The following ZNF385D variants were observed in gnomAD, a reference collection of about 807,000 sequenced individuals.
The protein encoded by ZNF385D is zinc finger protein 385D, also known as zinc finger protein 659.
Under a neutral mutation model 35.8 loss-of-function variants are expected in ZNF385D, and 15 were observed. The observed-to-expected ratio is 0.42, with a 90% CI of 0.28 to 0.64. The LOEUF (loss-of-function observed/expected upper bound fraction) is 0.64. Among genes scored for constraint, ZNF385D ranks in the 30% least tolerant of loss-of-function variants. The probability of loss-of-function intolerance (pLI) is 0.23; values close to 1 mark genes in which losing one functional copy is unlikely to be tolerated. For synonymous variants in ZNF385D, 212 were observed against 186.8 expected, an observed-to-expected ratio of 1.13 and a Z score of -1.10; for missense variants, 474 against 494.6, an observed-to-expected ratio of 0.96 and a Z score of 0.39.
chr3:22,364,856 A>G (rs935057259), intron 2 of ZNF385D, among the ~76,000 whole-genome samples: 1 of 152,090 alleles, frequency 6.6e-6, no homozygotes, highest in African/African-American at 2.4e-5. Context: ...CTAAGTGTCT[A>G]TGGACAGTTG....
intron 3 of ZNF385D, among the ~76,000 whole-genome samples, chr3:21,531,496 G>A (rs1379583738): frequency 6.6e-6 from 1 of 152,154 alleles, no homozygotes. Flanking sequence ...TGCCAAAAAT[G>A]AGAAACAACC....
In ZNF385D at chr3:22,329,300, C is replaced by T. The variant is rs115818797; in HGVS notation, c.106+43150G>A. The stretch of plus-strand genomic sequence containing the variant: ...TCTTGAGTAACAATTTGGTTTGGTA[C>T]AATATTTTTAGGTATATATTTTTCC... On this transcript the variant is annotated intron_variant, in intron 2 of 5. Transcript: ENST00000494108. Among the ~76,000 whole-genome samples, 634 of 152,012 alleles carry T rather than the reference C, an allele frequency of 4.2e-3. 5 individuals carry two copies. Among genetic ancestry groups the T allele is most frequent in the African/African-American group, 0.015 (614 of 41,458 alleles).
chr3:21,951,115 G>C (rs1023116216), intron 3 of ZNF385D, among the ~76,000 whole-genome samples: 2 of 151,592 alleles, frequency 1.3e-5, no homozygotes, highest in East Asian at 3.9e-4. Flanking sequence ...GGATAGCATT[G>C]AATCTATAAA....
chr3:21,505,617 C>T (rs1706716789), intron 4 of ZNF385D, among the ~76,000 whole-genome samples: 1 of 152,100 alleles, frequency 6.6e-6, no homozygotes, highest in Non-Finnish European at 1.5e-5. Flanking sequence ...TTTTCACAAG[C>T]CATAACTACA....
intron 1 of ZNF385D, among the ~76,000 whole-genome samples, chr3:21,736,084 C>T (rs1403671563): frequency 6.6e-6 from 1 of 152,152 alleles, no homozygotes; most frequent in Admixed American, 6.5e-5. Flanking sequence ...AATCTATTTC[C>T]CTCTTCCTTG....
intron 3 of ZNF385D, among the ~76,000 whole-genome samples, chr3:22,116,158 ATATG>A (rs1325310500): frequency 6.6e-6 from 1 of 152,042 alleles, no homozygotes; most frequent in Admixed American, 6.6e-5. Context: ...TTTTATAATA[ATATG>A]TATTTAAAAT....
chr3:22,305,901 G>C (rs763158285), intron 2 of ZNF385D, among the ~76,000 whole-genome samples: 2 of 152,156 alleles, frequency 1.3e-5, no homozygotes, highest in Non-Finnish European at 2.9e-5. Context: ...TTGTCAAACA[G>C]TTTCTAAATA....
At chr3:21,911,053 T>C (rs1181587148) in intron 3 of ZNF385D, among the ~76,000 whole-genome samples, 1 of 151,844 alleles carries the variant, frequency 6.6e-6, no homozygotes, top group African/African-American at 2.4e-5. Context: ...GGGTGCTTAT[T>C]AGGGGGAAAG....
At chr3:22,246,476 A>T (rs1013832662) in intron 2 of ZNF385D, among the ~76,000 whole-genome samples, 2 of 152,132 alleles carry the variant, frequency 1.3e-5, no homozygotes, top group South Asian at 4.1e-4. Context: ...AGAAAAACCA[A>T]TCTATAAGTG....
At chr3:22,198,138 G>T (rs187338398) in intron 2 of ZNF385D, among the ~76,000 whole-genome samples, 5 of 152,202 alleles carry the variant, frequency 3.3e-5, no homozygotes, top group Non-Finnish European at 5.9e-5. Flanking sequence ...TGTGTATACA[G>T]TAATGCGGTT....
intron 1 of ZNF385D, among the ~76,000 whole-genome samples, chr3:21,681,276 CTATGTGAATA>C (rs1207216674): frequency 1.0e-5 from 1 of 97,912 alleles, no homozygotes; most frequent in African/African-American, 3.7e-5. Context: ...TTCAGAAAGC[CTATGTGAATA>C]TATTCCATCA....
chr3:21,695,750 A>ATG (rs2067448535), intron 1 of ZNF385D, among the ~76,000 whole-genome samples: 1 of 103,404 alleles, frequency 9.7e-6, no homozygotes, highest in East Asian at 3.6e-4. Context: ...GTGCTGTTAA[A>ATG]TATATATTAT....
intron 3 of ZNF385D, among the ~76,000 whole-genome samples, chr3:21,882,362 G>A (rs891684737): frequency 3.3e-5 from 5 of 151,950 alleles, no homozygotes; most frequent in African/African-American, 1.2e-4. Context: ...TTATGACTAC[G>A]TGGTGCTTCA....
intron 2 of ZNF385D, among the ~76,000 whole-genome samples, chr3:21,663,890 AATATATATATAT>A (rs66691637): frequency 3.4e-4 from 22 of 64,424 alleles, no homozygotes; most frequent in Non-Finnish European, 4.7e-4. Context: ...TTGTGGGCCG[AATATATATATAT>A]ATATATATAT....
chr3:21,449,467 T>C (rs417269), intron 4 of ZNF385D, among the ~76,000 whole-genome samples: 98,065 of 151,958 alleles, frequency 0.65, 31,941 homozygotes, highest in African/African-American at 0.72. Context: ...ATGTTTAAAA[T>C]ATAATTCATA....
At chr3:21,734,962 G>A (rs1441021738) in intron 1 of ZNF385D, among the ~76,000 whole-genome samples, 2 of 152,120 alleles carry the variant, frequency 1.3e-5, no homozygotes, top group Non-Finnish European at 2.9e-5. Context: ...ATGCCTTTGG[G>A]ACTCGTGTGG....
At chr3:21,441,664 A>C (rs1230930648) in intron 4 of ZNF385D, 2 of 984,736 alleles carry the variant, frequency 2.0e-6, no homozygotes, top group Non-Finnish European at 2.4e-6. Context: ...AAGAAAAGGA[A>C]AACCTATAGC....
chr3:21,969,990 T>A (rs2125338073), intron 3 of ZNF385D, among the ~76,000 whole-genome samples: 1 of 152,318 alleles, frequency 6.6e-6, no homozygotes, highest in African/African-American at 2.4e-5. Context: ...CAAGAGTTAC[T>A]GTGTTATTGA....
chr3:21,989,031 C>G (rs979465669), intron 3 of ZNF385D, among the ~76,000 whole-genome samples: 9 of 152,064 alleles, frequency 5.9e-5, no homozygotes, highest in Admixed American at 4.6e-4. Flanking sequence ...GTGCGCGCAC[C>G]CACTGGCCTG....
Sources: allele counts gnomAD v4.1 joint callset (sites outside exome capture counted in the v4.1 genomes callset), GRCh38; gene constraint gnomAD v4.1.1; transcripts MANE v1.5; gene names NCBI Gene and HGNC (gene_info 2026-07-23, HGNC 2026-07-21).